DPP10: variants seen among roughly 807,000 people sequenced by gnomAD.
DPP10 encodes dipeptidyl peptidase like 10.
A neutral mutation model predicts 120.9 loss-of-function variants in DPP10; 33 were observed. The observed-to-expected ratio is 0.27, with a 90% CI of 0.21 to 0.37. The LOEUF (loss-of-function observed/expected upper bound fraction) is 0.37. DPP10 is among the 10% of genes least tolerant of loss of function. The pLI, the probability that DPP10 is intolerant of heterozygous loss-of-function variation, is 1.00. For missense variants in DPP10, 816 were observed against 942.8 expected (o/e 0.87, Z 1.76); for synonymous variants, 337 against 326.1 (o/e 1.03, Z -0.36).
chr2:114,839,556 T>C (rs1345678975), intron 1 of DPP10, among the ~76,000 whole-genome samples: 3 of 152,216 alleles, frequency 2.0e-5, no homozygotes, highest in Non-Finnish European at 4.4e-5. Flanking sequence ...TTTCGTTAAG[T>C]AACCAAACAT....
At chr2:115,739,151 C>A (rs1666003884) in intron 8 of DPP10, among the ~76,000 whole-genome samples, 1 of 152,078 alleles carries the variant, frequency 6.6e-6, no homozygotes, top group Non-Finnish European at 1.5e-5. Flanking sequence ...TTACTCTCCT[C>A]TTTCTAATCT....
intron 19 of DPP10, among the ~76,000 whole-genome samples, chr2:115,809,711 T>A (rs1345279642): frequency 2.0e-5 from 3 of 152,186 alleles, no homozygotes; most frequent in African/African-American, 7.2e-5. Context: ...AGCAGTTCTC[T>A]CTATGTCCCC....
At chr2:115,489,173 A>G (rs1048689576) in intron 3 of DPP10, among the ~76,000 whole-genome samples, 8 of 152,140 alleles carry the variant, frequency 5.3e-5, no homozygotes, top group African/African-American at 1.9e-4. Flanking sequence ...TCTCTGTTGC[A>G]ACTACTCAAC....
At chr2:115,221,909 A>T (rs1313408620) in intron 1 of DPP10, among the ~76,000 whole-genome samples, 1 of 152,004 alleles carries the variant, frequency 6.6e-6, no homozygotes, top group African/African-American at 2.4e-5. Flanking sequence ...GATTGCCTGA[A>T]CTGTTCATTT....
At chr2:115,514,480 T>G (rs1435206265) in intron 4 of DPP10, among the ~76,000 whole-genome samples, 1 of 151,744 alleles carries the variant, frequency 6.6e-6, no homozygotes, top group Admixed American at 6.6e-5. Flanking sequence ...AATTATAATT[T>G]TAATAAAACA....
chr2:114,651,433 C>A (rs1696573645), intron 1 of DPP10, among the ~76,000 whole-genome samples: 1 of 152,102 alleles, frequency 6.6e-6, no homozygotes, highest in Non-Finnish European at 1.5e-5. Flanking sequence ...GACCTGGAGA[C>A]CTTGCTAAAA....
intron 5 of DPP10, among the ~76,000 whole-genome samples, chr2:115,617,289 T>TATATATATATATACATAC (rs67359999): frequency 7.3e-6 from 1 of 136,530 alleles, no homozygotes; most frequent in African/African-American, 2.7e-5. Flanking sequence ...TATATATATA[T>TATATATATATATACATAC]ACACACATAG....
intron 3 of DPP10, among the ~76,000 whole-genome samples, chr2:115,402,854 A>AAATATATATATATATAT (rs1476901026): frequency 1.0e-5 from 1 of 97,668 alleles, no homozygotes; most frequent in African/African-American, 3.9e-5. Context: ...AAAAAAAAAA[A>AAATATATATATATATAT]ATATATATAT....
At chr2:114,690,505 G>A (rs993148236) in intron 1 of DPP10, among the ~76,000 whole-genome samples, 2 of 152,062 alleles carry the variant, frequency 1.3e-5, no homozygotes, top group African/African-American at 2.4e-5. Flanking sequence ...AATATAGTTT[G>A]AAGCCAGGTA....
At chr2:115,381,497 A>T (rs2066351992) in intron 3 of DPP10, among the ~76,000 whole-genome samples, 2 of 152,062 alleles carry the variant, frequency 1.3e-5, no homozygotes, top group African/African-American at 4.8e-5. Context: ...CTCTGCTTTG[A>T]ATGTCCTCCC....
intron 1 of DPP10, among the ~76,000 whole-genome samples, chr2:114,559,017 T>G (rs1573651290): frequency 6.6e-6 from 1 of 152,200 alleles, no homozygotes; most frequent in Non-Finnish European, 1.5e-5. Context: ...TACATCTCCA[T>G]GTCGACATAC....
intron 1 of DPP10, among the ~76,000 whole-genome samples, chr2:114,662,587 C>T (rs1198034338): frequency 6.6e-6 from 1 of 152,164 alleles, no homozygotes; most frequent in African/African-American, 2.4e-5. Context: ...CAGAGGGCGC[C>T]GTTCTTCCCT....
chr2:114,798,273 A>G (rs2106267731), intron 1 of DPP10, among the ~76,000 whole-genome samples: 1 of 152,308 alleles, frequency 6.6e-6, no homozygotes, highest in East Asian at 1.9e-4. Flanking sequence ...GTAATGGGTC[A>G]GTGTTGGTTC....
At chr2:115,733,482 G>T (rs2092958118) in intron 8 of DPP10, among the ~76,000 whole-genome samples, 1 of 152,038 alleles carries the variant, frequency 6.6e-6, no homozygotes, top group Non-Finnish European at 1.5e-5. Flanking sequence ...CAGTTAATTG[G>T]TGGGGCCAAA....
chr2:115,370,506 C>T (rs2065338203), intron 3 of DPP10, among the ~76,000 whole-genome samples: 1 of 152,034 alleles, frequency 6.6e-6, no homozygotes, highest in Non-Finnish European at 1.5e-5. Flanking sequence ...AGGACTGGTA[C>T]ACTGGTCTCA....
rs556433234 is a variant in DPP10 at position 114,968,686 on chromosome 2, A to G, written c.61-340553A>G. Among the ~76,000 whole-genome samples the G allele has an allele frequency of 1.3e-4, 20 of 152,362 alleles. No homozygotes were observed. In the South Asian group the frequency reaches 4.1e-3, roughly 32 times the overall value. On this transcript the variant is annotated intron_variant, in intron 1 of 25. Transcript: ENST00000410059. Reference sequence around the variant, plus strand: ...ACCAGGTCATTTATGAATATGTTAAATAACAAGATACTTATAATACTTTCA... The same window carrying G: ...ACCAGGTCATTTATGAATATGTTAAGTAACAAGATACTTATAATACTTTCA...
At chr2:115,043,520 C>G (rs1704826973) in intron 1 of DPP10, among the ~76,000 whole-genome samples, 1 of 152,172 alleles carries the variant, frequency 6.6e-6, no homozygotes, top group African/African-American at 2.4e-5. Context: ...CTTTCAGTGG[C>G]TGATGCCTAC....
At chr2:114,765,589 T>C (rs1680642049) in intron 1 of DPP10, among the ~76,000 whole-genome samples, 1 of 152,182 alleles carries the variant, frequency 6.6e-6, no homozygotes, top group African/African-American at 2.4e-5. Flanking sequence ...CAATTATAAG[T>C]AACATGCATT....
chr2:115,800,275 TG>T (rs1359788655), intron 19 of DPP10, among the ~76,000 whole-genome samples: 2 of 151,676 alleles, frequency 1.3e-5, no homozygotes, highest in Non-Finnish European at 2.9e-5. Flanking sequence ...CACTTTTTGA[TG>T]GGGTTGTTTG....
Sources: gnomAD v4.1 joint callset for allele counts (sites outside exome capture counted in the v4.1 genomes callset) on GRCh38, gnomAD v4.1.1 for gene constraint, MANE v1.5 for transcripts, NCBI Gene and HGNC (gene_info 2026-07-23, HGNC 2026-07-21) for gene names.